PTPRN2: variants seen among roughly 807,000 people sequenced by gnomAD.
The protein encoded by PTPRN2 is protein tyrosine phosphatase receptor type N2.
In PTPRN2, 74 loss-of-function variants were observed where a neutral mutation model predicts 118.8. The observed-to-expected ratio is 0.62, with a 90% CI of 0.52 to 0.76. The LOEUF (loss-of-function observed/expected upper bound fraction) is 0.76. Among genes scored for constraint, PTPRN2 ranks in the 30% least tolerant of loss-of-function variants. The pLI, the probability that PTPRN2 is intolerant of heterozygous loss-of-function variation, is 0.00. For missense variants in PTPRN2, 1,481 were observed against 1,394.4 expected, an observed-to-expected ratio of 1.06 and a Z score of -0.99; for synonymous variants, 641 against 608.0, an observed-to-expected ratio of 1.05 and a Z score of -0.80.
At chr7:158,152,762 G>A (rs942333490) in intron 6 of PTPRN2, among the ~76,000 whole-genome samples, 5 of 151,966 alleles carry the variant, frequency 3.3e-5, no homozygotes, top group Non-Finnish European at 5.9e-5. Context: ...GTCAAGAGGA[G>A]CACGTTGGCA....
intron 1 of PTPRN2, among the ~76,000 whole-genome samples, chr7:158,584,879 CT>C (rs1828830170): frequency 6.6e-6 from 1 of 152,208 alleles, no homozygotes; most frequent in Non-Finnish European, 1.5e-5. Flanking sequence ...AAGAATTGGT[CT>C]TTAGGTCTTG....
chr7:158,195,037 C>A (rs1826098725), intron 4 of PTPRN2, among the ~76,000 whole-genome samples: 1 of 152,208 alleles, frequency 6.6e-6, no homozygotes, highest in African/African-American at 2.4e-5. Flanking sequence ...TCGGTGGATG[C>A]AGTTGCCTTC....
At chr7:157,695,902 G>T (rs1797745510) in intron 12 of PTPRN2, among the ~76,000 whole-genome samples, 1 of 151,772 alleles carries the variant, frequency 6.6e-6, no homozygotes, top group African/African-American at 2.4e-5. Flanking sequence ...CTGGGTCTTG[G>T]CAGAGCCCTC....
chr7:158,466,079 T>C (rs928818695), intron 2 of PTPRN2, among the ~76,000 whole-genome samples: 2 of 152,230 alleles, frequency 1.3e-5, no homozygotes, highest in Non-Finnish European at 1.5e-5. Flanking sequence ...TGGATGTACA[T>C]TTGAGGCGTG....
intron 2 of PTPRN2, among the ~76,000 whole-genome samples, chr7:158,417,483 G>C (rs1814791745): frequency 1.3e-5 from 2 of 151,034 alleles, no homozygotes; most frequent in South Asian, 4.2e-4. Flanking sequence ...ACTACATCGA[G>C]ATGCTCTAGC....
intron 15 of PTPRN2, among the ~76,000 whole-genome samples, chr7:157,620,265 G>C (rs908909960): frequency 2.6e-5 from 4 of 152,198 alleles, no homozygotes; most frequent in African/African-American, 7.2e-5. Flanking sequence ...GGATGAGTGA[G>C]GTGGACGCCA....
intron 11 of PTPRN2, among the ~76,000 whole-genome samples, chr7:157,970,484 G>A (rs1010370990): frequency 9.9e-5 from 15 of 152,242 alleles, no homozygotes; most frequent in African/African-American, 3.4e-4. Flanking sequence ...ATAGAGCAGA[G>A]CAGGGAGTGA....
chr7:157,749,254 G>A (rs13228354), intron 12 of PTPRN2, among the ~76,000 whole-genome samples: 2 of 70,380 alleles, frequency 2.8e-5, no homozygotes, highest in African/African-American at 1.2e-4. Context: ...ATTCTGAGGC[G>A]TGCGTCCCTG....
At chr7:158,084,801 C>T (rs985181997) in intron 10 of PTPRN2, among the ~76,000 whole-genome samples, 12 of 142,044 alleles carry the variant, frequency 8.4e-5, no homozygotes, top group South Asian at 2.4e-4. Context: ...CCCATCCACA[C>T]GGATGCCCAT....
intron 3 of PTPRN2, among the ~76,000 whole-genome samples, chr7:158,251,449 G>T (rs866969154): frequency 4.2e-5 from 6 of 143,398 alleles, no homozygotes; most frequent in South Asian, 2.3e-4. Context: ...GGTGCATGTG[G>T]GGTGTGTGCA....
intron 12 of PTPRN2, among the ~76,000 whole-genome samples, chr7:157,850,780 G>A (rs558808827): frequency 1.6e-4 from 25 of 152,294 alleles, no homozygotes; most frequent in African/African-American, 5.3e-4. Flanking sequence ...CACCACAAGC[G>A]GCCACGGTAG....
intron 12 of PTPRN2, among the ~76,000 whole-genome samples, chr7:157,732,865 T>C (rs867085401): frequency 2.7e-4 from 3 of 10,924 alleles, no homozygotes; most frequent in African/African-American, 4.8e-4. Flanking sequence ...CTCTTTTCCG[T>C]CCCATGCGCC....
At chr7:157,561,395 G>A (rs912963913) in intron 21 of PTPRN2, among the ~76,000 whole-genome samples, 46 of 152,354 alleles carry the variant, frequency 3.0e-4, no homozygotes, top group African/African-American at 9.9e-4. Context: ...CTCTTCCTCC[G>A]GTAGTTTCCA....
chr7:158,174,372 C>A (rs1185456667), intron 5 of PTPRN2, among the ~76,000 whole-genome samples: 2 of 152,178 alleles, frequency 1.3e-5, no homozygotes, highest in African/African-American at 4.8e-5. Flanking sequence ...TCCACAGCAG[C>A]ATCCCCACCA....
chr7:158,511,358 C>G (rs1823168779), intron 1 of PTPRN2, among the ~76,000 whole-genome samples: 1 of 152,202 alleles, frequency 6.6e-6, no homozygotes. Context: ...GTGGATCGGA[C>G]AGAGACTATG....
intron 5 of PTPRN2, among the ~76,000 whole-genome samples, chr7:158,186,501 C>G (rs1307178663): frequency 6.6e-6 from 1 of 152,214 alleles, no homozygotes; most frequent in Non-Finnish European, 1.5e-5. Flanking sequence ...GGAAGCCCAC[C>G]TGGGCCACCT....
intron 1 of PTPRN2, among the ~76,000 whole-genome samples, chr7:158,559,221 A>G (rs1339499083): frequency 6.6e-6 from 1 of 152,254 alleles, no homozygotes; most frequent in East Asian, 1.9e-4. Context: ...ATAAAAATGA[A>G]TTTCTATTGC....
At chr7:158,457,134 G>T (rs574867252) in intron 2 of PTPRN2, among the ~76,000 whole-genome samples, 2 of 152,262 alleles carry the variant, frequency 1.3e-5, no homozygotes, top group Non-Finnish European at 2.9e-5. Context: ...CACGCAGGGT[G>T]GATTCAGTGT....
At chr7:158,311,330 T>C (rs950523931) in intron 3 of PTPRN2, among the ~76,000 whole-genome samples, 2 of 152,234 alleles carry the variant, frequency 1.3e-5, no homozygotes, top group African/African-American at 4.8e-5. Context: ...GCTTCTGACA[T>C]GCAGCTCAAT....
Sources: allele counts gnomAD v4.1 joint callset (sites outside exome capture counted in the v4.1 genomes callset), GRCh38; gene constraint gnomAD v4.1.1; transcripts MANE v1.5; gene names NCBI Gene and HGNC (gene_info 2026-07-23, HGNC 2026-07-21).